The following P3H2 variants were observed in gnomAD, a reference collection of about 807,000 sequenced individuals.
P3H2 encodes the protein leprecan-like 1.
Under a neutral mutation model 87.0 loss-of-function variants are expected in P3H2, and 80 were observed. The observed-to-expected ratio is 0.92, with a 90% CI of 0.77 to 1.11. The LOEUF is 1.11. Ranked by LOEUF, P3H2 falls within the 50% of genes least tolerant of loss-of-function variation. The pLI, the probability that P3H2 is intolerant of heterozygous loss-of-function variation, is 0.00. For missense variants in P3H2, 1,001 were observed against 923.9 expected, an observed-to-expected ratio of 1.08 and a Z score of -1.08; for synonymous variants, 367 against 359.3, an observed-to-expected ratio of 1.02 and a Z score of -0.24.
At chr3:190,076,443 G>A (rs945989265) in intron 1 of P3H2, among the ~76,000 whole-genome samples, 14 of 152,132 alleles carry the variant, frequency 9.2e-5, no homozygotes, top group Non-Finnish European at 1.5e-4. Flanking sequence ...CTTAATCATG[G>A]AAAGATGGGA....
intron 1 of P3H2, among the ~76,000 whole-genome samples, chr3:190,009,316 T>C (rs2108933367): frequency 6.6e-6 from 1 of 152,346 alleles, no homozygotes; most frequent in African/African-American, 2.4e-5. Context: ...AAAAATTTCC[T>C]TCCAGAAACA....
chr3:190,005,751 C>T (rs940494711), intron 1 of P3H2, among the ~76,000 whole-genome samples: 3 of 152,166 alleles, frequency 2.0e-5, no homozygotes, highest in Non-Finnish European at 2.9e-5. Context: ...AGGAATGCAT[C>T]GTGGCTGCAA....
At chr3:190,109,845 CTT>C (rs141845406) in intron 1 of P3H2, among the ~76,000 whole-genome samples, 4,668 of 124,454 alleles carry the variant, frequency 0.038, 173 homozygotes, top group African/African-American at 0.13. Context: ...GATGCCCAGT[CTT>C]TTTTTTTTTT....
At chr3:190,052,388 A>G (rs1381320849) in intron 1 of P3H2, among the ~76,000 whole-genome samples, 2 of 152,124 alleles carry the variant, frequency 1.3e-5, no homozygotes, top group African/African-American at 4.8e-5. Flanking sequence ...GATAGCTTCC[A>G]GTTTCATCCA....
At chr3:189,974,125 A>T in intron 9 of P3H2, 121 bp from the exon 10 acceptor site, 2 of 798,584 alleles carry the variant, frequency 2.5e-6, no homozygotes, top group Admixed American at 3.6e-5. Context: ...TCCCCATTTT[A>T]TTCCAGGATG....
chr3:189,973,964 G>T lies in P3H2; in HGVS notation c.1493C>A (p.Ser498Ter). The T allele has an allele frequency of 6.2e-7, 1 of 1,614,142 alleles. No individual in the cohort carries two copies. The highest frequency in any genetic ancestry group is 8.5e-7 in the Non-Finnish European group (1 of 1,179,994). ...AAACTTTTCATTGGGTGTATGGGGT[G>T]AAGTTTTTCCTCTGTATCCATCACC... Reference protein sequence around the residue: ...LVGDGYRGKTSPHTPNEKFEG... With the variant: ...LVGDGYRGKT Residue 498 changes from serine (S) to a stop codon, truncating the protein, a stop_gained, in exon 10 of 15, where the codon TCA (serine) becomes TAA (stop). Transcript: ENST00000319332. LOFTEE classifies it high-confidence loss of function.
intron 1 of P3H2, among the ~76,000 whole-genome samples, chr3:190,056,165 C>A (rs1726148110): frequency 6.6e-6 from 1 of 152,110 alleles, no homozygotes; most frequent in African/African-American, 2.4e-5. Context: ...CATCTTTAAG[C>A]CAGGAAGACA....
At chr3:189,970,223 TG>T (rs1723135006) in intron 13 of P3H2, among the ~76,000 whole-genome samples, 8 of 124,342 alleles carry the variant, frequency 6.4e-5, no homozygotes, top group Non-Finnish European at 1.2e-4. Flanking sequence ...TATATATATA[TG>T]AGGCCATGTC....
chr3:190,050,034 C>A (rs572692133), intron 1 of P3H2, among the ~76,000 whole-genome samples: 1 of 152,270 alleles, frequency 6.6e-6, no homozygotes, highest in Non-Finnish European at 1.5e-5. Context: ...TGCAAAATAT[C>A]TTACAAGGGT....
At chr3:190,054,888 G>C (rs1726101003) in intron 1 of P3H2, among the ~76,000 whole-genome samples, 1 of 151,952 alleles carries the variant, frequency 6.6e-6, no homozygotes, top group Non-Finnish European at 1.5e-5. Context: ...TTCTCCATCT[G>C]TAACAGCTCT....
intron 9 of P3H2, 130 bp from the exon 10 acceptor site, chr3:189,974,134 T>G: frequency 1.3e-6 from 1 of 767,524 alleles, no homozygotes. Context: ...TATTCCAGGA[T>G]GCTGGTATAA....
At chr3:190,072,183 G>A (rs546384121) in intron 1 of P3H2, among the ~76,000 whole-genome samples, 5 of 152,054 alleles carry the variant, frequency 3.3e-5, no homozygotes, top group East Asian at 3.9e-4. Flanking sequence ...GTGCCACCAC[G>A]CTTGGCTAAT....
At chr3:189,979,372 G>A (rs1239292407) in intron 8 of P3H2, among the ~76,000 whole-genome samples, 1 of 152,090 alleles carries the variant, frequency 6.6e-6, no homozygotes, top group Non-Finnish European at 1.5e-5. Context: ...AGGTTGCAGT[G>A]AGCCAAGATC....
chr3:190,100,663 C>T (rs980787353), intron 1 of P3H2, among the ~76,000 whole-genome samples: 2 of 152,152 alleles, frequency 1.3e-5, no homozygotes, highest in African/African-American at 2.4e-5. Flanking sequence ...CACTCTAATA[C>T]AGTTTCCAAA....
intron 1 of P3H2, among the ~76,000 whole-genome samples, chr3:190,030,948 T>C (rs1167421110): frequency 6.6e-6 from 1 of 152,190 alleles, no homozygotes; most frequent in Non-Finnish European, 1.5e-5. Context: ...AAAAATAAAC[T>C]ACAGATGAAT....
chr3:190,118,732 A>G (rs922278455), intron 1 of P3H2, among the ~76,000 whole-genome samples: 3 of 152,122 alleles, frequency 2.0e-5, no homozygotes, highest in African/African-American at 7.2e-5. Flanking sequence ...AGATGAGGGC[A>G]GAGATCTTGT....
At chr3:190,070,545 A>T (rs959861427) in intron 1 of P3H2, among the ~76,000 whole-genome samples, 1 of 152,174 alleles carries the variant, frequency 6.6e-6, no homozygotes, top group Non-Finnish European at 1.5e-5. Flanking sequence ...TTATAGTCAT[A>T]GTGCTGTAAT....
At chr3:190,114,189 A>ATT (rs199617611) in intron 1 of P3H2, among the ~76,000 whole-genome samples, 20 of 138,148 alleles carry the variant, frequency 1.4e-4, no homozygotes, top group South Asian at 2.4e-4. Context: ...TATTATTATT[A>ATT]TTTTTTTTTT....
intron 14 of P3H2, among the ~76,000 whole-genome samples, chr3:189,958,374 C>T (rs1722703265): frequency 1.3e-5 from 2 of 152,164 alleles, no homozygotes; most frequent in African/African-American, 2.4e-5. Flanking sequence ...AGACCAACAT[C>T]GCTCACCTAT....
Sources: gnomAD v4.1 joint callset for allele counts (sites outside exome capture counted in the v4.1 genomes callset) on GRCh38, gnomAD v4.1.1 for gene constraint, MANE v1.5 for transcripts, NCBI Gene and HGNC (gene_info 2026-07-23, HGNC 2026-07-21) for gene names.